NRXN1: variants seen among roughly 807,000 people sequenced by gnomAD.
NRXN1 encodes the protein neurexin-1.
A neutral mutation model predicts 150.9 loss-of-function variants in NRXN1; 39 were observed. The ratio of observed to expected loss-of-function variants is 0.26; its 90% CI spans 0.20 to 0.34. The LOEUF (loss-of-function observed/expected upper bound fraction) is 0.34. Among genes scored for constraint, NRXN1 ranks in the 10% least tolerant of loss-of-function variants. The probability of loss-of-function intolerance (pLI) is 1.00; values close to 1 mark genes in which losing one functional copy is unlikely to be tolerated. For missense variants in NRXN1, 1,815 were observed against 1,949.9 expected, an observed-to-expected ratio of 0.93 and a Z score of 1.30; for synonymous variants, 924 against 757.0, an observed-to-expected ratio of 1.22 and a Z score of -3.62.
chr2:49,922,045 A>G lies in NRXN1; in HGVS notation c.4423T>C (p.Ser1475Pro). The change falls in exon 23 of 23, where the codon TCA (serine) becomes CCA (proline). Residue 1475 changes from serine to proline, a missense_variant. By Grantham distance (74) the Ser-to-Pro change is moderately conservative. Around this residue, in one of 6 missense-constraint regions of NRXN1, gnomAD observed 265 missense variants for 307.1 expected, o/e 0.86. Coordinates refer to ENST00000401669, the MANE Select transcript of NRXN1 (RefSeq NM_001330078.2). ...VDESRNYISN[S>P]AQSNGAVVKE... Reference sequence around the variant, plus strand: ...ACAACAGCCCCATTGGACTGTGCTGAGTTACTGATGTAGTTTCGACTCTCG... The same window carrying G: ...ACAACAGCCCCATTGGACTGTGCTGGGTTACTGATGTAGTTTCGACTCTCG... The G allele has an allele frequency of 6.2e-7, 1 of 1,614,074 alleles. No individual in the cohort carries two copies. Among genetic ancestry groups the G allele is most frequent in the Non-Finnish European group, 8.5e-7 (1 of 1,180,012 alleles).
chr2:50,913,600 T>C lies in NRXN1; in HGVS notation c.832+8269A>G, dbSNP rs538917741. 6.6e-5 allele frequency among the ~76,000 whole-genome samples: 10 copies of C among 151,908 alleles called. No homozygotes were observed. In the South Asian group the frequency reaches 2.1e-3, roughly 31 times the overall value. On this transcript the variant is annotated intron_variant, in intron 5 of 22. Coordinates refer to ENST00000401669, the MANE Select transcript of NRXN1 (RefSeq NM_001330078.2). ...CCTGGGTTATGCAATAAAATAGTATTTTAAACATGAAAGAAAATATTAGTC... is the reference window on the plus strand; with the variant it reads ...CCTGGGTTATGCAATAAAATAGTATCTTAAACATGAAAGAAAATATTAGTC...
At chr2:50,965,224 G>C (rs1412013494) in intron 2 of NRXN1, among the ~76,000 whole-genome samples, 1 of 151,180 alleles carries the variant, frequency 6.6e-6, no homozygotes, top group Non-Finnish European at 1.5e-5. Context: ...ATAACTATTT[G>C]ATTGCAGCTA....
rs1312323537 is a variant in NRXN1 at position 50,472,329 on chromosome 2, G to T, written c.3213C>A (p.Phe1071Leu). The change falls in exon 16 of 23, where the codon TTC becomes TTA. Residue 1071 changes from phenylalanine (F) to leucine (L), a missense_variant. This residue lies in a region of NRXN1 where 339 missense variants were observed against 440.3 expected (regional missense o/e 0.77). Coordinates refer to ENST00000401669, the MANE Select transcript of NRXN1 (RefSeq NM_001330078.2). ...ATCCTCTCTCGATCTGTCCGTTGCA[G>T]AAAAGAGCATCGGAGATGAGGTCCG... is the stretch of plus-strand genomic sequence containing the variant. ...RLPDLISDAL[F>L]CNGQIERGCE... The T allele has an allele frequency of 6.2e-7, 1 of 1,610,728 alleles. No homozygotes were observed. Among genetic ancestry groups the T allele is most frequent in the South Asian group, 1.1e-5 (1 of 90,750 alleles).
At chr2:50,613,142 T>A (rs1678464936) in intron 8 of NRXN1, among the ~76,000 whole-genome samples, 1 of 152,164 alleles carries the variant, frequency 6.6e-6, no homozygotes, top group Non-Finnish European at 1.5e-5. Flanking sequence ...ATGTTTTAAA[T>A]CAGGTAGAAA....
intron 17 of NRXN1, among the ~76,000 whole-genome samples, chr2:50,330,345 G>A (rs542938617): frequency 3.9e-5 from 6 of 152,116 alleles, no homozygotes; most frequent in Middle Eastern, 3.4e-3. Context: ...CAATGTTATC[G>A]AAAATTTCCA....
intron 18 of NRXN1, among the ~76,000 whole-genome samples, chr2:50,163,123 T>G (rs2059457746): frequency 6.9e-6 from 1 of 144,182 alleles, no homozygotes; most frequent in Admixed American, 7.2e-5. Flanking sequence ...CAAAAATAAT[T>G]TCAACTATAT....
intron 21 of NRXN1, among the ~76,000 whole-genome samples, chr2:49,991,673 G>T (rs1681985018): frequency 6.6e-6 from 1 of 152,092 alleles, no homozygotes; most frequent in Non-Finnish European, 1.5e-5. Flanking sequence ...TTCCCAACTT[G>T]ATTTATAGCT....
At chr2:50,997,420 CT>C (rs1253742279) in intron 2 of NRXN1, among the ~76,000 whole-genome samples, 1 of 106,086 alleles carries the variant, frequency 9.4e-6, no homozygotes, top group Non-Finnish European at 1.8e-5. Flanking sequence ...ATCACAATTT[CT>C]TTAAATATGC....
chr2:50,375,642 T>C (rs2080431753), intron 17 of NRXN1, among the ~76,000 whole-genome samples: 1 of 151,076 alleles, frequency 6.6e-6, no homozygotes, highest in Admixed American at 6.6e-5. Context: ...ATAGAAAATG[T>C]AGTAAATTGA....
At chr2:50,293,916 C>T (rs1345078999) in intron 17 of NRXN1, among the ~76,000 whole-genome samples, 2 of 152,166 alleles carry the variant, frequency 1.3e-5, no homozygotes, top group East Asian at 3.8e-4. Context: ...TCACAGTAAC[C>T]TAAATGGGTC....
chr2:50,676,035 T>C (rs1176354828), intron 5 of NRXN1, among the ~76,000 whole-genome samples: 2 of 152,102 alleles, frequency 1.3e-5, no homozygotes, highest in Non-Finnish European at 2.9e-5. Flanking sequence ...CCTCCAAAGT[T>C]GTAGGTGGGC....
intron 8 of NRXN1, among the ~76,000 whole-genome samples, chr2:50,598,545 T>C (rs188924255): frequency 6.9e-6 from 1 of 144,018 alleles, no homozygotes; most frequent in East Asian, 2.0e-4. Flanking sequence ...CTCTCCTATA[T>C]ATGTGTGTAT....
chr2:50,696,216 G>A, intron 5 of NRXN1: 2 of 147,022 alleles, frequency 1.4e-5, no homozygotes. Context: ...GTGTGTGTAT[G>A]TATACACATA....
At chr2:50,127,784 G>A (rs1704829196) in intron 18 of NRXN1, among the ~76,000 whole-genome samples, 1 of 152,150 alleles carries the variant, frequency 6.6e-6, no homozygotes, top group Non-Finnish European at 1.5e-5. Context: ...GTCTTAAATT[G>A]TGATAAAATA....
intron 5 of NRXN1, among the ~76,000 whole-genome samples, chr2:50,634,001 G>A (rs1045758796): frequency 2.6e-5 from 4 of 152,138 alleles, no homozygotes; most frequent in African/African-American, 9.7e-5. Flanking sequence ...TCTGGACAAA[G>A]AATAGAAAGA....
intron 12 of NRXN1, among the ~76,000 whole-genome samples, chr2:50,515,318 C>T (rs756787550): frequency 6.6e-6 from 1 of 152,068 alleles, no homozygotes; most frequent in South Asian, 2.1e-4. Context: ...CTGATTCTAC[C>T]TTATGGTGAG....
chr2:50,011,742 C>T (rs1398364826), intron 21 of NRXN1, among the ~76,000 whole-genome samples: 1 of 152,006 alleles, frequency 6.6e-6, no homozygotes, highest in African/African-American at 2.4e-5. Context: ...TCCAAGATTC[C>T]TCTTCTTTAA....
intron 2 of NRXN1, among the ~76,000 whole-genome samples, chr2:50,995,102 C>T (rs534947568): frequency 6.6e-6 from 1 of 151,820 alleles, no homozygotes; most frequent in South Asian, 2.1e-4. Context: ...CAATATGTTG[C>T]TTATTATTAA....
intron 5 of NRXN1, among the ~76,000 whole-genome samples, chr2:50,658,302 T>C (rs773541484): frequency 6.6e-6 from 1 of 151,894 alleles, no homozygotes; most frequent in Non-Finnish European, 1.5e-5. Flanking sequence ...AGAAGGATCC[T>C]TGACCTGCCC....
Sources: allele counts gnomAD v4.1 joint callset (sites outside exome capture counted in the v4.1 genomes callset), GRCh38; gene constraint gnomAD v4.1.1; regional missense constraint gnomAD v4.1.1; transcripts MANE v1.5; gene names NCBI Gene and HGNC (gene_info 2026-07-23, HGNC 2026-07-21).